Variants in KRT82 observed in about 807,000 individuals in gnomAD.
KRT82 encodes keratin, type II cuticular Hb2.
Under a neutral mutation model 48.0 loss-of-function variants are expected in KRT82, and 44 were observed. The observed-to-expected ratio is 0.92, with a 90% CI of 0.72 to 1.18. The LOEUF is 1.18. KRT82 is among the 50% of genes most tolerant of loss of function. The probability of loss-of-function intolerance (pLI) is 0.00; values close to 1 mark genes in which losing one functional copy is unlikely to be tolerated. For missense variants in KRT82, 701 were observed against 671.4 expected, an observed-to-expected ratio of 1.04 and a Z score of -0.49; for synonymous variants, 297 against 278.3, an observed-to-expected ratio of 1.07 and a Z score of -0.67.
intron 8 of KRT82, among the ~76,000 whole-genome samples, 153 bp from the exon 9 acceptor site, chr12:52,395,348 T>C (rs1939698784): frequency 6.6e-6 from 1 of 152,134 alleles, no homozygotes; most frequent in Non-Finnish European, 1.5e-5. Flanking sequence ...TCTCCCACCC[T>C]AGCCACATAA....
chr12:52,396,635 C>T (rs1039871547), intron 6 of KRT82, among the ~76,000 whole-genome samples: 3 of 152,186 alleles, frequency 2.0e-5, no homozygotes, highest in Non-Finnish European at 2.9e-5. Flanking sequence ...AGTGAAGCAT[C>T]CTTGCTTCTC....
At chr12:52,405,086 G>C (rs1317254939) in intron 1 of KRT82, among the ~76,000 whole-genome samples, 5 of 152,226 alleles carry the variant, frequency 3.3e-5, no homozygotes, top group African/African-American at 1.2e-4. Context: ...TGGACCCAGA[G>C]GCTGTTGAGT....
In KRT82 at chr12:52,405,945, C is replaced by T. The variant is rs200566666; in HGVS notation, c.333G>A (p.Pro111=). The change falls in exon 1 of 9, where the codon CCG becomes CCA. Residue 111 remains proline, a synonymous_variant. Coordinates refer to ENST00000257974, the MANE Select transcript of KRT82 (RefSeq NM_033033.4). ...LLVPLALEID[P]TVQRVKRDEK... is the part of the protein sequence containing the mutation. ...CATCCCTCTTTACCCTCTGCACAGTCGGGTCTATCTCCAGTGCCAGTGGGA... is the reference window on the plus strand; with the variant it reads ...CATCCCTCTTTACCCTCTGCACAGTTGGGTCTATCTCCAGTGCCAGTGGGA... The T allele has an allele frequency of 1.9e-5, 31 of 1,614,216 alleles. No individual in the cohort carries two copies. The highest frequency in any genetic ancestry group is 3.3e-5 in the South Asian group (3 of 91,074).
intron 5 of KRT82, among the ~76,000 whole-genome samples, chr12:52,397,593 T>A (rs955367961): frequency 1.3e-5 from 2 of 152,244 alleles, no homozygotes; most frequent in Admixed American, 1.3e-4. Flanking sequence ...TTTTAAAAAA[T>A]TAGCTGACTT....
intron 2 of KRT82, 74 bp from the exon 3 acceptor site, chr12:52,401,423 T>TG: frequency 6.9e-7 from 1 of 1,443,508 alleles, no homozygotes; most frequent in South Asian, 1.2e-5. Flanking sequence ...ATCAGGCCTT[T>TG]GGGGGCAACT....
Position 52,399,615 on chromosome 12 carries a change from C to T in KRT82, c.942+370G>A, listed in dbSNP as rs543666998. On this transcript the variant is annotated intron_variant, in intron 5 of 8. Coordinates refer to ENST00000257974, the MANE Select transcript of KRT82 (RefSeq NM_033033.4). ...ACCCCATGCCACTAGCCTCCTCCCA[C>T]GCCTCGAAGCTTAGAGCCCTCTTTG... Among the ~76,000 whole-genome samples, 11 of 152,354 alleles carry T rather than the reference C, an allele frequency of 7.2e-5. No individual in the cohort carries two copies. In the East Asian group the frequency reaches 1.2e-3, roughly 16 times the overall value.
intron 5 of KRT82, 126 bp from the exon 6 acceptor site, chr12:52,397,134 G>A: frequency 1.7e-6 from 2 of 1,209,380 alleles, no homozygotes; most frequent in Non-Finnish European, 2.3e-6. Context: ...TCTCATACTG[G>A]TTCTGCTCCT....
intron 8 of KRT82, 37 bp from the exon 9 acceptor site, chr12:52,395,232 G>C: frequency 1.9e-6 from 3 of 1,540,894 alleles, no homozygotes; most frequent in Non-Finnish European, 2.7e-6. Flanking sequence ...GGCCCCACAC[G>C]GTGTGGCTCT....
chr12:52,403,933 C>A, intron 1 of KRT82, 24 bp from the exon 2 acceptor site: 1 of 1,608,026 alleles, frequency 6.2e-7, no homozygotes, highest in South Asian at 1.1e-5. Flanking sequence ...TGGAATATCA[C>A]CAGGCAGCAG....
In KRT82 at chr12:52,406,152, A is replaced by G. The variant is rs775272060; in HGVS notation, c.126T>C (p.Gly42=). The G allele has an allele frequency of 1.9e-6, 3 of 1,612,612 alleles. No individual in the cohort carries two copies. Among genetic ancestry groups the G allele is most frequent in the African/African-American group, 1.3e-5 (1 of 74,884 alleles). The part of the protein sequence containing the change: ...AVSKGPCRPG[G]GRGLRALGCL... ...AGCCCAGAGCTCGGAGGCCCCTACC[A>G]CCCCCGGGCCGGCATGGCCCCTTGC... is the stretch of plus-strand genomic sequence containing the variant. Residue 42 remains glycine, a synonymous_variant, in exon 1 of 9, where the codon GGT becomes GGC. Transcript: ENST00000257974.
chr12:52,405,422 G>T (rs145827923), intron 1 of KRT82, among the ~76,000 whole-genome samples: 19 of 152,304 alleles, frequency 1.2e-4, no homozygotes, highest in African/African-American at 4.6e-4. Flanking sequence ...GGCCTAAAAT[G>T]ATTGGAAACT....
intron 5 of KRT82, among the ~76,000 whole-genome samples, chr12:52,397,663 C>A (rs935334857): frequency 1.3e-5 from 2 of 152,178 alleles, no homozygotes; most frequent in Non-Finnish European, 2.9e-5. Flanking sequence ...GAGAGATAAG[C>A]ACATAATCAC....
At position 52,395,171 on chromosome 12, in the gene KRT82, A is replaced by C. The variant is rs1427028639; in HGVS notation, c.1346T>G (p.Phe449Cys). The change falls in exon 9 of 9, where the codon TTC (phenylalanine) becomes TGC (cysteine). Residue 449 changes from phenylalanine (F) to cysteine (C), a missense_variant. Coordinates refer to ENST00000257974, the MANE Select transcript of KRT82 (RefSeq NM_033033.4). Reference protein sequence around the residue: ...NISVSSSKGAFLYEPCGVSTP... With the variant: ...NISVSSSKGACLYEPCGVSTP... ...GCTGACCCCACATGGCTCGTACAGG[A>C]AGGCGCCTTTGGAGCTGCTCACTGC... is the stretch of plus-strand genomic sequence containing the variant. 3.7e-6 allele frequency: 6 copies of C among 1,613,744 alleles called. No homozygotes were observed. Among genetic ancestry groups the C allele is most frequent in the Non-Finnish European group, 5.1e-6 (6 of 1,179,948 alleles).
Position 52,401,274 on chromosome 12 carries a change from G to A in KRT82, c.681+15C>T. 6.2e-7 allele frequency: 1 copy of A among 1,613,416 alleles called. No individual in the cohort carries two copies. The highest frequency in any genetic ancestry group is 8.5e-7 in the Non-Finnish European group (1 of 1,179,386). On this transcript the variant is annotated intron_variant, in intron 3 of 8. Coordinates refer to ENST00000257974, the MANE Select transcript of KRT82 (RefSeq NM_033033.4). ...GCCAGCTCAGGGGCTCTGCCTCTCT[G>A]AGCTTCCTCCTTACCTTCTTCAAGG...
chr12:52,397,071 T>C, intron 5 of KRT82, 63 bp from the exon 6 acceptor site: 2 of 1,585,218 alleles, frequency 1.3e-6, no homozygotes, highest in African/African-American at 1.4e-5. Context: ...GCCTCTTTTC[T>C]CACTGTTCCC....
chr12:52,401,204 C>A, intron 3 of KRT82, 85 bp downstream of exon 3: 3 of 1,116,368 alleles, frequency 2.7e-6, no homozygotes, highest in Admixed American at 3.6e-5. Context: ...GGGCTGCAGA[C>A]ACGTTTGGAC....
chr12:52,400,285 A>G (rs1322800644), intron 4 of KRT82, 136 bp from the exon 5 acceptor site: 3 of 935,060 alleles, frequency 3.2e-6, no homozygotes, highest in African/African-American at 3.3e-5. Flanking sequence ...TCAGTCACCA[A>G]CTGACTCCTT....
rs1252983311 is a variant in KRT82, at chr12:52,401,188, G to C, written c.681+101C>G. The C allele has an allele frequency of 8.4e-6, 8 of 957,552 alleles. No individual in the cohort carries two copies. The South Asian group carries it at 1.1e-4, about 13-fold the overall frequency. The allele number at this position is 957,552 out of a possible 1,614,324, so 59.3% of individuals were successfully genotyped here. On this transcript the variant is annotated intron_variant, in intron 3 of 8. Transcript: ENST00000257974. ...GAGGGGCGAAAAACCCTTTTTCAGA[G>C]TGGGTGGGCTGCAGACACGTTTGGA...
At chr12:52,395,226 C>A in intron 8 of KRT82, 31 bp from the exon 9 acceptor site, 1 of 1,576,258 alleles carries the variant, frequency 6.3e-7, no homozygotes, top group South Asian at 1.1e-5. Context: ...GCTCAGGGCC[C>A]CACACGGTGT....
Sources: allele counts gnomAD v4.1 joint callset (sites outside exome capture counted in the v4.1 genomes callset), GRCh38; gene constraint gnomAD v4.1.1; transcripts MANE v1.5; gene names NCBI Gene and HGNC (gene_info 2026-07-23, HGNC 2026-07-21).